The following CCDC74A variants were observed in gnomAD, a reference collection of about 807,000 sequenced individuals.
CCDC74A encodes the protein coiled-coil domain containing 74A, also known as coiled-coil domain-containing protein 74A.
Under a neutral mutation model 37.6 loss-of-function variants are expected in CCDC74A, and 38 were observed. That is an observed-to-expected ratio of 1.01 (90% CI 0.78 to 1.33). CCDC74A has a LOEUF of 1.33. Among genes scored for constraint, CCDC74A ranks in the 40% most tolerant of loss-of-function variants. The pLI is 0.00. For synonymous variants in CCDC74A, 134 were observed against 165.2 expected (o/e 0.81, Z 1.45); for missense variants, 340 against 403.4 (o/e 0.84, Z 1.35).
chr2:131,528,236 G>A lies in CCDC74A; in HGVS notation c.250+16G>A, dbSNP rs772733441. On this transcript the variant is annotated intron_variant, in intron 1 of 7. Coordinates refer to ENST00000409856, the MANE Select transcript of CCDC74A (RefSeq NM_001258306.3). ...GAAAACAAGGGTGAGCCGGCGCGGG[G>A]CCCTAGGCCGGCCCTGCCTCCCCAG... 2 of 1,609,874 alleles carry A rather than the reference G, an allele frequency of 1.2e-6. No homozygotes were observed. The highest frequency in any genetic ancestry group is 2.2e-5 in the East Asian group (1 of 44,736).
intron 2 of CCDC74A, 191 bp downstream of exon 2, chr2:131,529,882 C>T (rs900052226): frequency 1.5e-5 from 23 of 1,495,376 alleles, no homozygotes; most frequent in South Asian, 2.7e-5. Flanking sequence ...AAGCACAGCA[C>T]GTGCTGCTCT....
At chr2:131,528,450 C>T (rs1680573714) in intron 1 of CCDC74A, 7 of 1,549,754 alleles carry the variant, frequency 4.5e-6, no homozygotes, top group Non-Finnish European at 6.1e-6. Context: ...AGGGCAGCAG[C>T]ATTTCAGATG....
chr2:131,526,146 CTTTTTTT>C (rs369118247), upstream of CCDC74A, among the ~76,000 whole-genome samples: 2 of 126,590 alleles, frequency 1.6e-5, no homozygotes, highest in South Asian at 2.6e-4. Flanking sequence ...CTTTTTTTTC[CTTTTTTT>C]TTTTTTTTTC....
chr2:131,530,474 A>G (rs771851552), intron 2 of CCDC74A: 11 of 1,551,968 alleles, frequency 7.1e-6, no homozygotes, highest in Admixed American at 2.0e-5. Flanking sequence ...CCAAGTCGGC[A>G]GCCCCAGCCC....
intron 1 of CCDC74A, chr2:131,529,149 C>T: frequency 4.6e-6 from 1 of 215,444 alleles, no homozygotes; most frequent in Non-Finnish European, 9.4e-6. Context: ...CCGCGGCCTC[C>T]TCTCCCGCCC....
At chr2:131,528,457 G>C in intron 1 of CCDC74A, 4 of 1,549,408 alleles carry the variant, frequency 2.6e-6, no homozygotes, top group Non-Finnish European at 3.5e-6. Context: ...CAGCATTTCA[G>C]ATGCTGACTC....
At chr2:131,528,290 A>G (rs747922961) in intron 1 of CCDC74A, 70 bp downstream of exon 1, 11 of 1,578,468 alleles carry the variant, frequency 7.0e-6, no homozygotes, top group Non-Finnish European at 9.5e-6. Context: ...CTCCCGCAGC[A>G]CAGAAACACA....
chr2:131,531,342 G>A (rs1334794275), intron 3 of CCDC74A, among the ~76,000 whole-genome samples: 4 of 152,050 alleles, frequency 2.6e-5, no homozygotes, highest in African/African-American at 7.2e-5. Context: ...GGTGCTAGAC[G>A]GGCCTTGTCC....
chr2:131,529,723 A>C (rs749558078), intron 2 of CCDC74A, 32 bp downstream of exon 2: 1 of 1,611,112 alleles, frequency 6.2e-7, no homozygotes, highest in East Asian at 2.2e-5. Context: ...GACTGATGGG[A>C]TGCTCTTGCC....
chr2:131,529,876 A>C, intron 2 of CCDC74A, 185 bp downstream of exon 2: 5 of 1,495,228 alleles, frequency 3.3e-6, no homozygotes, highest in Non-Finnish European at 3.6e-6. Context: ...GCAGCCAAGC[A>C]CAGCACGTGC....
intron 2 of CCDC74A, 59 bp downstream of exon 2, chr2:131,529,750 C>G: frequency 6.3e-7 from 1 of 1,597,908 alleles, no homozygotes; most frequent in Non-Finnish European, 8.5e-7. Flanking sequence ...GGGAGCCCCT[C>G]CAGACTGTCC....
At position 131,529,646 on chromosome 2, in the gene CCDC74A, G is replaced by T. The variant is rs566374576; in HGVS notation, c.251-1G>T. On this transcript the variant is annotated splice_acceptor_variant, in intron 1 of 7. Transcript: ENST00000409856. LOFTEE classifies it high-confidence loss of function. ...TGAGGAGAGCGTGTGCTTGCTTTCA[G>T]ATCTCCATTACAAGCTCATAATGAA... The T allele has an allele frequency of 1.8e-5, 29 of 1,614,016 alleles. 1 individual carries two copies. In the East Asian group the frequency reaches 6.0e-4, roughly 33 times the overall value.
At position 131,527,942 on chromosome 2, in the gene CCDC74A, G is replaced by A; in HGVS notation, c.-29G>A. 7.1e-7 allele frequency: 1 copy of A among 1,412,064 alleles called. No homozygotes were observed. The highest frequency in any genetic ancestry group is 9.3e-7 in the Non-Finnish European group (1 of 1,078,984). The allele number at this position is 1,412,064 out of a possible 1,614,324, so 87.5% of individuals were successfully genotyped here. On this transcript the variant is annotated 5_prime_UTR_variant, in exon 1 of 8. Transcript: ENST00000409856. ...CTGGCCACTGAGCCGGGGTGCAGTG[G>A]CAGCGGGAGAGTACCTGGCGATGGC...
intron 2 of CCDC74A, 188 bp downstream of exon 2, chr2:131,529,879 G>A: frequency 6.7e-7 from 1 of 1,495,800 alleles, no homozygotes; most frequent in Non-Finnish European, 8.9e-7. Flanking sequence ...GCCAAGCACA[G>A]CACGTGCTGC....
rs771101850 is a variant in CCDC74A, at chr2:131,528,210, G to C, written c.240G>C (p.Arg80=). The stretch of plus-strand genomic sequence containing the variant: ...ATGAGGAGATCGAGCATCTGAAGCG[G>C]GAAAACAAGGGTGAGCCGGCGCGGG... The part of the protein sequence containing the change: ...KLHEEIEHLK[R]ENKDLHYKLI... The change falls in exon 1 of 8, where the codon CGG becomes CGC. Residue 80 remains arginine (R), a synonymous_variant. Coordinates refer to ENST00000409856, the MANE Select transcript of CCDC74A (RefSeq NM_001258306.3). 1 of 1,612,568 alleles carries C rather than the reference G, an allele frequency of 6.2e-7. No homozygotes were observed.
upstream of CCDC74A, among the ~76,000 whole-genome samples, chr2:131,527,502 TTTA>T (rs917669790): frequency 1.3e-5 from 2 of 151,920 alleles, no homozygotes; most frequent in Admixed American, 1.3e-4. Context: ...CTGGATGCCT[TTTA>T]TTATTATTTT....
At position 131,532,744 on chromosome 2, in the gene CCDC74A, G is replaced by A. The variant is rs534659950; in HGVS notation, c.641G>A (p.Arg214His). Reference protein sequence around the residue: ...TTLRQCEVLIRELWNTNLLQT... With the variant: ...TTLRQCEVLIHELWNTNLLQT... The stretch of plus-strand genomic sequence containing the variant: ...CTTAGGCAGTGCGAAGTGCTCATCC[G>A]CGAGCTGTGGAATACCAACCTCCTG... Residue 214 changes from arginine to histidine, a missense_variant, in exon 5 of 8, where the codon CGC (arginine) becomes CAC (histidine). Around this residue, in one of 3 missense-constraint regions of CCDC74A, gnomAD observed 185 missense variants for 231.5 expected, o/e 0.80. Transcript: ENST00000409856. The A allele has an allele frequency of 1.2e-5, 19 of 1,613,614 alleles. No individual in the cohort carries two copies. In the East Asian group the frequency reaches 1.6e-4, roughly 13 times the overall value.
chr2:131,529,358 C>T (rs1400593707), intron 1 of CCDC74A: 2 of 597,726 alleles, frequency 3.3e-6, no homozygotes, highest in South Asian at 2.0e-5. Context: ...CACCTCTGTA[C>T]CCCTAAAGCC....
intron 1 of CCDC74A, chr2:131,529,291 C>T (rs1680777918): frequency 4.2e-6 from 2 of 475,444 alleles, no homozygotes; most frequent in Non-Finnish European, 3.9e-6. Flanking sequence ...GAGCCTCCCC[C>T]GCAGTCCCTG....
Sources: gnomAD v4.1 joint callset for allele counts (sites outside exome capture counted in the v4.1 genomes callset) on GRCh38, gnomAD v4.1.1 for gene constraint, gnomAD v4.1.1 regional missense constraint, MANE v1.5 for transcripts, NCBI Gene and HGNC (gene_info 2026-07-23, HGNC 2026-07-21) for gene names.